CPVL: variants seen among roughly 807,000 people sequenced by gnomAD.
CPVL encodes probable serine carboxypeptidase CPVL.
A neutral mutation model predicts 63.7 loss-of-function variants in CPVL; 51 were observed. The observed-to-expected ratio is 0.80, with a 90% CI of 0.64 to 1.01. The LOEUF (loss-of-function observed/expected upper bound fraction) is 1.01. Ranked by LOEUF, CPVL falls within the 50% of genes least tolerant of loss-of-function variation. The pLI is 0.00. For synonymous variants in CPVL, 195 were observed against 206.0 expected, an observed-to-expected ratio of 0.95 and a Z score of 0.46; for missense variants, 530 against 573.1, an observed-to-expected ratio of 0.92 and a Z score of 0.77.
chr7:29,090,110 G>A (rs1785618551), intron 6 of CPVL, among the ~76,000 whole-genome samples: 1 of 152,150 alleles, frequency 6.6e-6, no homozygotes, highest in Non-Finnish European at 1.5e-5. Flanking sequence ...TGATCTGCCT[G>A]CCTCGGCCTC....
chr7:29,195,007 C>G (rs1783478125), intron 1 of CPVL: 2 of 1,583,414 alleles, frequency 1.3e-6, no homozygotes, highest in Non-Finnish European at 1.7e-6. Context: ...TTCAGCCCGT[C>G]GGGCGCTGCT....
chr7:29,095,198 G>C, intron 4 of CPVL, 56 bp from the exon 5 acceptor site: 1 of 1,464,218 alleles, frequency 6.8e-7, no homozygotes, highest in Non-Finnish European at 9.6e-7. Context: ...TTCCACCGAG[G>C]CCTCATGGTG....
intron 7 of CPVL, among the ~76,000 whole-genome samples, chr7:29,079,304 G>C (rs765975148): frequency 2.6e-5 from 4 of 152,142 alleles, no homozygotes; most frequent in Non-Finnish European, 2.9e-5. Flanking sequence ...CACCCAGTTT[G>C]GTGAACAAGC....
chr7:29,060,523 G>A (rs997083267), intron 11 of CPVL, among the ~76,000 whole-genome samples: 5 of 152,184 alleles, frequency 3.3e-5, no homozygotes, highest in Non-Finnish European at 5.9e-5. Context: ...TTTTGAAACT[G>A]CCAATATGAT....
At chr7:29,052,450 A>G (rs1021358778) in intron 11 of CPVL, among the ~76,000 whole-genome samples, 97 of 151,616 alleles carry the variant, frequency 6.4e-4, no homozygotes, top group Non-Finnish European at 2.7e-4. Context: ...CAAAAAAAAA[A>G]AAAAAAACCA....
intron 5 of CPVL, among the ~76,000 whole-genome samples, chr7:29,094,401 CTA>C (rs1056275799): frequency 2.0e-5 from 3 of 151,654 alleles, no homozygotes; most frequent in Non-Finnish European, 4.4e-5. Context: ...ATCTATAACT[CTA>C]TGTGAAAGAT....
At chr7:29,106,954 T>C (rs1280097302) in intron 3 of CPVL, among the ~76,000 whole-genome samples, 2 of 152,182 alleles carry the variant, frequency 1.3e-5, no homozygotes, top group African/African-American at 2.4e-5. Flanking sequence ...GGGTCTCCCA[T>C]AAACTGTGGT....
At chr7:29,004,411 TA>T (rs5883179) in intron 12 of CPVL, among the ~76,000 whole-genome samples, 52,811 of 151,658 alleles carry the variant, frequency 0.35, 10,721 homozygotes, top group Non-Finnish European at 0.47. Flanking sequence ...ACGTGTCTAT[TA>T]AAAAAAAAGT....
chr7:29,190,587 G>A (rs775750740), intron 1 of CPVL, among the ~76,000 whole-genome samples: 39 of 152,174 alleles, frequency 2.6e-4, no homozygotes, highest in Non-Finnish European at 4.3e-4. Context: ...TGTAACAGCC[G>A]GTGAAGGAGG....
At chr7:29,182,615 T>C (rs1798201737) in intron 4 of CPVL, among the ~76,000 whole-genome samples, 1 of 152,206 alleles carries the variant, frequency 6.6e-6, no homozygotes, top group Non-Finnish European at 1.5e-5. Context: ...AACGTTCAAA[T>C]ACTTTGTCTA....
intron 12 of CPVL, chr7:29,012,620 C>G (rs1364991313): frequency 1.3e-5 from 2 of 152,192 alleles, no homozygotes; most frequent in African/African-American, 4.8e-5. Context: ...AGAGACAATG[C>G]TTCAGGTCAA....
intron 7 of CPVL, among the ~76,000 whole-genome samples, chr7:29,075,853 C>T (rs1408708332): frequency 4.0e-5 from 6 of 151,208 alleles, no homozygotes; most frequent in Non-Finnish European, 8.8e-5. Context: ...TTGAGTGACT[C>T]AGGCTGTCAC....
At chr7:29,089,749 C>T (rs79323807) in intron 6 of CPVL, among the ~76,000 whole-genome samples, 9,816 of 152,194 alleles carry the variant, frequency 0.064, 468 homozygotes, top group East Asian at 0.21. Flanking sequence ...TGCAAAATTG[C>T]CCTAAGCTGC....
intron 11 of CPVL, among the ~76,000 whole-genome samples, chr7:29,050,852 T>C (rs1408714469): frequency 6.7e-6 from 1 of 150,252 alleles, no homozygotes; most frequent in African/African-American, 2.4e-5. Flanking sequence ...TTTCAAACTA[T>C]ACTATAAGGC....
intron 3 of CPVL, among the ~76,000 whole-genome samples, chr7:29,101,549 A>C (rs1787128048): frequency 6.6e-6 from 1 of 152,218 alleles, no homozygotes; most frequent in African/African-American, 2.4e-5. Context: ...GAGCCAAAAT[A>C]GCGCCACTGC....
intron 1 of CPVL, among the ~76,000 whole-genome samples, chr7:29,136,973 A>T (rs79542091): frequency 0.027 from 4,044 of 152,218 alleles, 79 homozygotes; most frequent in South Asian, 0.042. Context: ...ACCTCTCTAA[A>T]TCTACTCTCA....
intron 7 of CPVL, among the ~76,000 whole-genome samples, chr7:29,078,991 A>G (rs962366234): frequency 2.0e-5 from 3 of 152,178 alleles, no homozygotes; most frequent in African/African-American, 7.2e-5. Flanking sequence ...GCTATCTAAT[A>G]AAATTCAGCA....
chr7:28,995,746 CT>C lies in CPVL; in HGVS notation c.*25del, dbSNP rs1434970125. 1 of 1,333,134 alleles carries C rather than the reference CT, an allele frequency of 7.5e-7. No individual in the cohort carries two copies. Among genetic ancestry groups the C allele is most frequent in the Middle Eastern group, 2.0e-4 (1 of 4,928 alleles). 82.6% of individuals were successfully genotyped at this position (1,333,134 alleles called of 1,614,324 possible). A position where few individuals can be genotyped will look rare whatever the true frequency, so the allele number is the denominator to read the frequency against. On this transcript the variant is annotated 3_prime_UTR_variant, in exon 13 of 13. Coordinates refer to ENST00000265394, the MANE Select transcript of CPVL (RefSeq NM_031311.5). The stretch of plus-strand genomic sequence containing the variant: ...ATTTTCTTTTCAGCAATGAAAACCT[CT>C]GATGTTCTCTTTTGGGAAGGTAGTT...
At chr7:29,114,943 G>A (rs1190827276) in intron 2 of CPVL, among the ~76,000 whole-genome samples, 1 of 152,174 alleles carries the variant, frequency 6.6e-6, no homozygotes, top group Admixed American at 6.5e-5. Flanking sequence ...AGGTCATGGG[G>A]ACAAAAGAAA....
Sources: gnomAD v4.1 joint callset for allele counts (sites outside exome capture counted in the v4.1 genomes callset) on GRCh38, gnomAD v4.1.1 for gene constraint, MANE v1.5 for transcripts, NCBI Gene and HGNC (gene_info 2026-07-23, HGNC 2026-07-21) for gene names.